The following CLTC variants were observed in gnomAD, a reference collection of about 807,000 sequenced individuals.
CLTC encodes the protein clathrin heavy chain 1.
A neutral mutation model predicts 195.8 loss-of-function variants in CLTC; 16 were observed. The observed-to-expected ratio is 0.08, with a 90% CI of 0.06 to 0.12. The LOEUF is 0.12. CLTC is among the 10% of genes least tolerant of loss of function. The pLI, the probability that CLTC is intolerant of heterozygous loss-of-function variation, is 1.00. For synonymous variants in CLTC, 667 were observed against 689.4 expected (o/e 0.97, Z 0.51); for missense variants, 796 against 2,027.0 (o/e 0.39, Z 11.66).
chr17:59,629,810 C>T (rs1012929709), intron 1 of CLTC, among the ~76,000 whole-genome samples: 1 of 150,454 alleles, frequency 6.6e-6, no homozygotes, highest in African/African-American at 2.4e-5. Flanking sequence ...TGAGCCACCA[C>T]ACCCAGCCTA....
rs540108102 is a variant in CLTC at position 59,668,288 on chromosome 17, G to C, written c.2129-489G>C. Reference sequence around the variant, plus strand: ...ATTTCCCATATAGGGGCACAATGGTGTATGCCTTTAATAATCCCAGTGCTT... The same window carrying C: ...ATTTCCCATATAGGGGCACAATGGTCTATGCCTTTAATAATCCCAGTGCTT... On this transcript the variant is annotated intron_variant, in intron 13 of 31. Transcript: ENST00000269122. 2.0e-5 allele frequency among the ~76,000 whole-genome samples: 3 copies of C among 152,358 alleles called. No individual in the cohort carries two copies. The East Asian group carries it at 5.8e-4, about 29-fold the overall frequency.
chr17:59,675,404 G>A (rs2032944071), intron 16 of CLTC, among the ~76,000 whole-genome samples: 1 of 152,152 alleles, frequency 6.6e-6, no homozygotes, highest in African/African-American at 2.4e-5. Context: ...ACGTTCTGAG[G>A]AACTAGTGTT....
chr17:59,676,699 C>T (rs967887580), intron 16 of CLTC, among the ~76,000 whole-genome samples: 2 of 152,136 alleles, frequency 1.3e-5, no homozygotes, highest in Non-Finnish European at 2.9e-5. Flanking sequence ...GGTACAGTGG[C>T]TTGCACCTAT....
intron 1 of CLTC, among the ~76,000 whole-genome samples, chr17:59,641,906 T>A (rs1290465959): frequency 6.6e-6 from 1 of 151,898 alleles, no homozygotes; most frequent in Admixed American, 6.6e-5. Flanking sequence ...CAGGCTGGTA[T>A]CAAACTCCTG....
intron 5 of CLTC, among the ~76,000 whole-genome samples, chr17:59,654,900 G>A (rs751136106): frequency 6.6e-6 from 1 of 152,220 alleles, no homozygotes; most frequent in Admixed American, 6.5e-5. Flanking sequence ...AGTACCTAGA[G>A]TTTGACTTTG....
chr17:59,623,897 C>T (rs1363810808), intron 1 of CLTC, among the ~76,000 whole-genome samples: 1 of 152,196 alleles, frequency 6.6e-6, no homozygotes. Context: ...CCACATGTGA[C>T]AATTGACTCC....
intron 1 of CLTC, among the ~76,000 whole-genome samples, chr17:59,632,252 C>G (rs1290637046): frequency 1.3e-5 from 2 of 151,690 alleles, no homozygotes; most frequent in East Asian, 3.9e-4. Flanking sequence ...CCTGTAGTCC[C>G]AGCTACTCGG....
intron 10 of CLTC, 42 bp downstream of exon 10, chr17:59,664,951 G>C: frequency 4.4e-6 from 7 of 1,606,038 alleles, no homozygotes; most frequent in African/African-American, 1.3e-5. Flanking sequence ...TGATTGAAAT[G>C]GAGAGTGGGG....
chr17:59,676,972 T>C lies in CLTC; in HGVS notation c.2580T>C (p.Pro860=). ...TTCCTAGATTGAAACTGCTTCTGCC[T>C]TGGCTAGAGGCCAGAATTCATGAGG... ...EKRNRLKLLL[P]WLEARIHEGC... is the part of the protein sequence containing the mutation. The change falls in exon 17 of 32, where the codon CCT becomes CCC. Residue 860 remains proline, a synonymous_variant. Coordinates refer to ENST00000269122, the MANE Select transcript of CLTC (RefSeq NM_004859.4). The C allele has an allele frequency of 6.2e-7, 1 of 1,614,114 alleles. No homozygotes were observed. The highest frequency in any genetic ancestry group is 8.5e-7 in the Non-Finnish European group (1 of 1,179,980).
At chr17:59,675,979 A>C (rs1426151087) in intron 16 of CLTC, among the ~76,000 whole-genome samples, 1 of 152,224 alleles carries the variant, frequency 6.6e-6, no homozygotes, top group South Asian at 2.1e-4. Flanking sequence ...TAACCATGTG[A>C]ATTTGATATA....
intron 18 of CLTC, among the ~76,000 whole-genome samples, 189 bp downstream of exon 18, chr17:59,679,708 T>C (rs2033042225): frequency 6.6e-6 from 1 of 151,934 alleles, no homozygotes; most frequent in African/African-American, 2.4e-5. Flanking sequence ...TGAATGTAAA[T>C]TGATTATATA....
rs960934041 is a variant in CLTC, at chr17:59,619,923, G to A, written c.-209G>A. The A allele has an allele frequency of 5.6e-6, 3 of 538,684 alleles. No homozygotes were observed. The highest frequency in any genetic ancestry group is 3.2e-5 in the Admixed American group (1 of 31,420). 33.4% of individuals were successfully genotyped at this position (538,684 alleles called of 1,614,324 possible). A position where few individuals can be genotyped will look rare whatever the true frequency, so the allele number is the denominator to read the frequency against. On this transcript the variant is annotated 5_prime_UTR_variant, in exon 1 of 32. Coordinates refer to ENST00000269122, the MANE Select transcript of CLTC (RefSeq NM_004859.4). ...CGTTTCCGGAGTCTGCGCTGCGCCCGGTTCCGCCATTGCGGCTCTCCTGGC... is the reference window on the plus strand; with the variant it reads ...CGTTTCCGGAGTCTGCGCTGCGCCCAGTTCCGCCATTGCGGCTCTCCTGGC...
chr17:59,664,374 A>C (rs2032674970), intron 9 of CLTC, among the ~76,000 whole-genome samples: 1 of 152,112 alleles, frequency 6.6e-6, no homozygotes, highest in African/African-American at 2.4e-5. Context: ...TAACATGGTG[A>C]AACCTTGTCT....
chr17:59,673,504 C>G (rs2032899474), intron 14 of CLTC, 143 bp from the exon 15 acceptor site: 1 of 619,026 alleles, frequency 1.6e-6, no homozygotes, highest in Non-Finnish European at 2.8e-6. Context: ...ACACACTCAA[C>G]TATTGGGACA....
At chr17:59,647,837 C>T (rs2032234339) in intron 3 of CLTC, among the ~76,000 whole-genome samples, 171 bp downstream of exon 3, 1 of 152,086 alleles carries the variant, frequency 6.6e-6, no homozygotes, top group Non-Finnish European at 1.5e-5. Context: ...CTTCCTCCCT[C>T]CCTTCTCTTC....
At chr17:59,656,088 C>G in intron 6 of CLTC, 61 bp downstream of exon 6, 1 of 1,408,372 alleles carries the variant, frequency 7.1e-7, no homozygotes, top group Admixed American at 2.6e-5. Context: ...GGGAACAATC[C>G]TGTCCTTTTG....
chr17:59,684,058 AT>A, intron 28 of CLTC, 73 bp downstream of exon 28: 1 of 970,594 alleles, frequency 1.0e-6, no homozygotes, highest in South Asian at 1.5e-5. Flanking sequence ...TAAAAAAGCC[AT>A]TATCCTTTAG....
rs2033412645 is a variant in CLTC at position 59,695,931 on chromosome 17, C to G, written c.*2079C>G. ...TTTGAAAACTATAAGATTATGAGTT[C>G]TATAAAATACCAAGTACAGATGAAC... On this transcript the variant is annotated 3_prime_UTR_variant, in exon 32 of 32. Coordinates refer to ENST00000269122, the MANE Select transcript of CLTC (RefSeq NM_004859.4). 1 of 203,992 alleles carries G rather than the reference C, an allele frequency of 4.9e-6. No homozygotes were observed. The highest frequency in any genetic ancestry group is 2.3e-5 in the African/African-American group (1 of 43,680). 12.6% of individuals were successfully genotyped at this position (203,992 alleles called of 1,614,324 possible).
chr17:59,693,883 T>C lies in CLTC; in HGVS notation c.*31T>C. 1 of 1,579,508 alleles carries C rather than the reference T, an allele frequency of 6.3e-7. No individual in the cohort carries two copies. Among genetic ancestry groups the C allele is most frequent in the South Asian group, 1.1e-5 (1 of 87,176 alleles). ...AGCGCTGATCCTGTAGTCACCTATT[T>C]TCGTACTGAAACATCGTCTTTACCC... On this transcript the variant is annotated 3_prime_UTR_variant, in exon 32 of 32. Transcript: ENST00000269122.
Sources: gnomAD v4.1 joint callset for allele counts (sites outside exome capture counted in the v4.1 genomes callset) on GRCh38, gnomAD v4.1.1 for gene constraint, MANE v1.5 for transcripts, NCBI Gene and HGNC (gene_info 2026-07-23, HGNC 2026-07-21) for gene names.